Variants in GFRA1 observed in about 807,000 individuals in gnomAD.
The protein encoded by GFRA1 is GDNF family receptor alpha 1.
A neutral mutation model predicts 51.6 loss-of-function variants in GFRA1; 16 were observed. The observed-to-expected ratio is 0.31, with a 90% CI of 0.21 to 0.47. The LOEUF (loss-of-function observed/expected upper bound fraction) is 0.47. Among genes scored for constraint, GFRA1 ranks in the 20% least tolerant of loss-of-function variants. GFRA1 has a pLI of 1.00. For missense variants in GFRA1, 530 were observed against 594.3 expected, an observed-to-expected ratio of 0.89 and a Z score of 1.13; for synonymous variants, 270 against 241.3, an observed-to-expected ratio of 1.12 and a Z score of -1.10.
chr10:116,249,768 G>A (rs1565679503), intron 4 of GFRA1, among the ~76,000 whole-genome samples: 1 of 152,040 alleles, frequency 6.6e-6, no homozygotes, highest in Non-Finnish European at 1.5e-5. Flanking sequence ...AGTTTTCTTG[G>A]GAAAACTACC....
chr10:116,262,973 A>G (rs967371677), intron 4 of GFRA1, among the ~76,000 whole-genome samples: 1 of 152,192 alleles, frequency 6.6e-6, no homozygotes, highest in Non-Finnish European at 1.5e-5. Context: ...ACCAGCTGCA[A>G]CCAACTCACT....
At chr10:116,141,498 A>G (rs962178904) in intron 5 of GFRA1, among the ~76,000 whole-genome samples, 5 of 151,974 alleles carry the variant, frequency 3.3e-5, no homozygotes, top group African/African-American at 9.7e-5. Flanking sequence ...GCAATGAGTA[A>G]CTAGAGGCAG....
chr10:116,212,444 C>T (rs2134448885), intron 4 of GFRA1, among the ~76,000 whole-genome samples: 1 of 151,876 alleles, frequency 6.6e-6, no homozygotes, highest in South Asian at 2.1e-4. Flanking sequence ...CACTTGAACC[C>T]AGGAGGAGGA....
intron 5 of GFRA1, among the ~76,000 whole-genome samples, chr10:116,208,818 A>G (rs2694767): frequency 0.59 from 90,404 of 152,140 alleles, 28,006 homozygotes; most frequent in African/African-American, 0.78. Context: ...TCCTGACTTC[A>G]TCATTAGTAA....
intron 5 of GFRA1, among the ~76,000 whole-genome samples, chr10:116,210,451 C>T (rs2134439154): frequency 6.6e-6 from 1 of 152,326 alleles, no homozygotes; most frequent in South Asian, 2.1e-4. Context: ...CAGGCCCTGA[C>T]AGCAGCACTT....
intron 4 of GFRA1, among the ~76,000 whole-genome samples, chr10:116,267,550 G>A (rs1969760785): frequency 6.6e-6 from 1 of 152,076 alleles, no homozygotes; most frequent in Non-Finnish European, 1.5e-5. Context: ...TTCCTTGCCT[G>A]CTTTCTCACT....
intron 4 of GFRA1, among the ~76,000 whole-genome samples, chr10:116,245,535 C>G (rs1413714438): frequency 6.6e-6 from 1 of 152,132 alleles, no homozygotes; most frequent in South Asian, 2.1e-4. Context: ...TTTTACAAAC[C>G]TAAACATAGA....
At chr10:116,236,800 A>T (rs1040130043) in intron 4 of GFRA1, among the ~76,000 whole-genome samples, 1 of 152,212 alleles carries the variant, frequency 6.6e-6, no homozygotes, top group Non-Finnish European at 1.5e-5. Context: ...TTCCTCTGCA[A>T]CCGCCTTGGT....
intron 4 of GFRA1, among the ~76,000 whole-genome samples, chr10:116,262,987 G>T (rs573490275): frequency 1.3e-5 from 2 of 152,112 alleles, no homozygotes; most frequent in African/African-American, 4.8e-5. Flanking sequence ...ACTCACTTCC[G>T]ACCACAGAGC....
At chr10:116,129,992 T>C (rs1958039690) in intron 5 of GFRA1, among the ~76,000 whole-genome samples, 1 of 151,572 alleles carries the variant, frequency 6.6e-6, no homozygotes, top group Non-Finnish European at 1.5e-5. Flanking sequence ...ATCAAGCTAA[T>C]TAACATAGCC....
intron 5 of GFRA1, among the ~76,000 whole-genome samples, chr10:116,129,267 G>A (rs1211484904): frequency 6.6e-6 from 1 of 152,160 alleles, no homozygotes; most frequent in African/African-American, 2.4e-5. Flanking sequence ...GAATACAGAT[G>A]CAACAATATT....
chr10:116,219,417 T>C (rs1398428000), intron 4 of GFRA1, among the ~76,000 whole-genome samples: 1 of 152,212 alleles, frequency 6.6e-6, no homozygotes, highest in East Asian at 1.9e-4. Context: ...TTTTGAGTAA[T>C]TATAATAAGA....
chr10:116,260,954 T>C lies in GFRA1; in HGVS notation c.418+8549A>G, dbSNP rs531615529. 2.6e-5 allele frequency among the ~76,000 whole-genome samples: 4 copies of C among 152,288 alleles called. No individual in the cohort carries two copies. The South Asian group carries it at 8.3e-4, about 32-fold the overall frequency. Reference sequence around the variant, plus strand: ...AACGCAACAAATAATTTCTCACTTTTCCTTACAGACAACCCTGAAGGGTGC... The same window carrying C: ...AACGCAACAAATAATTTCTCACTTTCCCTTACAGACAACCCTGAAGGGTGC... On this transcript the variant is annotated intron_variant, in intron 4 of 10. Coordinates refer to ENST00000355422, the MANE Select transcript of GFRA1 (RefSeq NM_005264.8).
At chr10:116,155,791 C>T (rs1037677032) in intron 5 of GFRA1, among the ~76,000 whole-genome samples, 1 of 152,136 alleles carries the variant, frequency 6.6e-6, no homozygotes, top group African/African-American at 2.4e-5. Context: ...TGGACACACG[C>T]CGGAGCCACA....
chr10:116,125,137 C>T, intron 6 of GFRA1, 84 bp downstream of exon 6: 2 of 1,215,380 alleles, frequency 1.6e-6, no homozygotes, highest in Non-Finnish European at 2.4e-6. Context: ...GGTAGAAGCA[C>T]AGAAAAGGGA....
chr10:116,172,878 G>A (rs771867745), intron 5 of GFRA1, among the ~76,000 whole-genome samples: 4 of 152,178 alleles, frequency 2.6e-5, no homozygotes, highest in Non-Finnish European at 5.9e-5. Context: ...CAGTCATGGG[G>A]AGGTAGGTCT....
At chr10:116,098,388 A>C (rs1956690045) in intron 6 of GFRA1, among the ~76,000 whole-genome samples, 1 of 152,238 alleles carries the variant, frequency 6.6e-6, no homozygotes, top group Admixed American at 6.5e-5. Context: ...TATTTTCTGT[A>C]GCCTGGCTAA....
At chr10:116,255,596 T>C (rs1968772518) in intron 4 of GFRA1, 1 of 1,288,854 alleles carries the variant, frequency 7.8e-7, no homozygotes, top group Non-Finnish European at 1.0e-6. Context: ...GCTGGCTGGG[T>C]ACACGCCCTT....
chr10:116,071,520 A>T (rs1955392209), intron 9 of GFRA1, among the ~76,000 whole-genome samples: 1 of 152,164 alleles, frequency 6.6e-6, no homozygotes, highest in Non-Finnish European at 1.5e-5. Flanking sequence ...GTGCATAGTG[A>T]GTTGAAATAA....
Sources: allele counts gnomAD v4.1 joint callset (sites outside exome capture counted in the v4.1 genomes callset), GRCh38; gene constraint gnomAD v4.1.1; transcripts MANE v1.5; gene names NCBI Gene and HGNC (gene_info 2026-07-23, HGNC 2026-07-21).